Variants in FMNL1 observed in about 807,000 individuals in gnomAD.
The protein encoded by FMNL1 is formin like 1.
Under a neutral mutation model 121.3 loss-of-function variants are expected in FMNL1, and 43 were observed. The observed-to-expected ratio is 0.35, with a 90% CI of 0.28 to 0.46. FMNL1 has a LOEUF of 0.46. Ranked by LOEUF, FMNL1 falls within the 20% of genes least tolerant of loss-of-function variation. FMNL1 has a pLI of 1.00. For synonymous variants in FMNL1, 613 were observed against 613.5 expected, an observed-to-expected ratio of 1.00 and a Z score of 0.01; for missense variants, 1,191 against 1,482.4, an observed-to-expected ratio of 0.80 and a Z score of 3.23.
At position 45,245,948 on chromosome 17, in the gene FMNL1, G is replaced by A. The variant is rs1465219444; in HGVS notation, c.3065G>A (p.Gly1022Asp). Residue 1022 changes from glycine to aspartate, a missense_variant, in exon 24 of 27, where the codon GGC becomes GAC. Physicochemically the swap from Gly to Asp is moderately conservative, Grantham distance 94. Coordinates refer to ENST00000331495, the MANE Select transcript of FMNL1 (RefSeq NM_005892.4). ...CAGGAGGCAGGCGCTGATACCCCGGGCAAAGGGGAGCCCCCAGCACCCAAG... is the reference window on the plus strand; with the variant it reads ...CAGGAGGCAGGCGCTGATACCCCGGACAAAGGGGAGCCCCCAGCACCCAAG... ...AAQEAGADTP[G>D]KGEPPAPKSP... The A allele has an allele frequency of 6.3e-7, 1 of 1,578,922 alleles. No individual in the cohort carries two copies. The highest frequency in any genetic ancestry group is 8.6e-7 in the Non-Finnish European group (1 of 1,167,210).
At chr17:45,225,698 G>A (rs1173039259) in intron 1 of FMNL1, among the ~76,000 whole-genome samples, 1 of 152,170 alleles carries the variant, frequency 6.6e-6, no homozygotes. Context: ...GGCCTTTGAG[G>A]GGACAGGGGT....
chr17:45,236,986 C>CAGGT lies in FMNL1; in HGVS notation c.724-294_724-291dup, dbSNP rs765671522. Among the ~76,000 whole-genome samples the CAGGT allele has an allele frequency of 1.0e-3, 155 of 152,214 alleles. 2 individuals carry two copies. The Middle Eastern group carries it at 0.024, about 23-fold the overall frequency. ...AAAAAAAATCAGTTGAGTGTGGTGG[C>CAGGT]AGGTGCCTGTAATCCCAGCTACATG... On this transcript the variant is annotated intron_variant, in intron 7 of 26. Transcript: ENST00000331495.
At position 45,243,798 on chromosome 17, in the gene FMNL1, C is replaced by G; in HGVS notation, c.2221C>G (p.Leu741Val). The change falls in exon 18 of 27, where the codon CTG becomes GTG. Residue 741 changes from leucine to valine, a missense_variant. Physicochemically the swap from Leu to Val is conservative, Grantham distance 32 (BLOSUM62 1). Around this residue, in one of 4 missense-constraint regions of FMNL1, gnomAD observed 367 missense variants for 528.6 expected, o/e 0.69. Coordinates refer to ENST00000331495, the MANE Select transcript of FMNL1 (RefSeq NM_005892.4). The part of the protein sequence containing the change: ...RICQAIEAYD[L>V]QALGLDFLEL... ...CTCTCCTCCCTCTCACAGGTACGACCTGCAGGCTCTGGGCCTGGACTTCCT... is the reference window on the plus strand; with the variant it reads ...CTCTCCTCCCTCTCACAGGTACGACGTGCAGGCTCTGGGCCTGGACTTCCT... 2.5e-6 allele frequency: 4 copies of G among 1,610,300 alleles called. No homozygotes were observed. The highest frequency in any genetic ancestry group is 1.1e-5 in the South Asian group (1 of 90,998).
chr17:45,241,872 T>A lies in FMNL1; in HGVS notation c.1611T>A (p.Ala537=), dbSNP rs1473252889. ...SPDLAPAAEP[A]PGAAPPPPPP... ...ATCTCGCACCTGCAGCAGAGCCGGC[T>A]CCCGGAGCAGCGCCACCGCCGCCGC... The change falls in exon 15 of 27, where the codon GCT becomes GCA. Residue 537 remains alanine (A), a synonymous_variant. Transcript: ENST00000331495. This position sits in a 1 kb window ranked among gnomAD's most constrained non-coding sequence, Gnocchi z 7.0. The A allele has an allele frequency of 2.5e-5, 36 of 1,434,422 alleles. No individual in the cohort carries two copies. The highest frequency in any genetic ancestry group is 3.3e-5 in the Non-Finnish European group (36 of 1,102,688). 88.9% of individuals were successfully genotyped at this position (1,434,422 alleles called of 1,614,324 possible). A position where few individuals can be genotyped will look rare whatever the true frequency, so the allele number is the denominator to read the frequency against.
intron 2 of FMNL1, 85 bp from the exon 3 acceptor site, chr17:45,232,282 A>C (rs2043455174): frequency 1.6e-6 from 2 of 1,237,130 alleles, no homozygotes; most frequent in Admixed American, 2.0e-5. Context: ...ATCGGAGCTG[A>C]GAATGGGACA....
intron 5 of FMNL1, 55 bp from the exon 6 acceptor site, chr17:45,234,017 C>A: frequency 1.9e-6 from 3 of 1,598,536 alleles, no homozygotes; most frequent in East Asian, 2.2e-5. Context: ...CCTCTGCCCC[C>A]TCTTAAGTGG....
chr17:45,236,364 T>C (rs2043550226), intron 7 of FMNL1, 120 bp downstream of exon 7: 1 of 796,490 alleles, frequency 1.3e-6, no homozygotes, highest in Non-Finnish European at 2.0e-6. Context: ...GCTGGGGAAC[T>C]TGCGCATCTG....
Position 45,241,290 on chromosome 17 carries a change from G to C in FMNL1, c.1332+60G>C. 1 of 1,610,850 alleles carries C rather than the reference G, an allele frequency of 6.2e-7. No homozygotes were observed. Among genetic ancestry groups the C allele is most frequent in the Non-Finnish European group, 8.5e-7 (1 of 1,178,476 alleles). On this transcript the variant is annotated intron_variant, in intron 13 of 26. Coordinates refer to ENST00000331495, the MANE Select transcript of FMNL1 (RefSeq NM_005892.4). The surrounding 1 kb of genome is among the most constrained non-coding windows in gnomAD (Gnocchi z 7.0). ...AGAACAGGCCAGCTGAGGCTTCTAG[G>C]CTTGACATCTCCCTCCACCCCGGGA...
At position 45,243,954 on chromosome 17, in the gene FMNL1, C is replaced by T. The variant is rs1049942929; in HGVS notation, c.2377C>T (p.Arg793Cys). The change falls in exon 18 of 27, where the codon CGC (arginine) becomes TGC (cysteine). Residue 793 changes from arginine to cysteine, a missense_variant. Physicochemically the swap from Arg to Cys is radical, Grantham distance 180 (BLOSUM62 -3). This residue lies in a region of FMNL1 where 367 missense variants were observed against 528.6 expected (regional missense o/e 0.69). Transcript: ENST00000331495. ...RFMLCFSRIP[R>C]LPERMTTLTF... is the part of the protein sequence containing the mutation. ...CATGCTATGCTTCAGCCGCATCCCG[C>T]GCCTGCCGGAGCGCATGACCACACT... is the stretch of plus-strand genomic sequence containing the variant. 12 of 1,613,418 alleles carry T rather than the reference C, an allele frequency of 7.4e-6. No individual in the cohort carries two copies. Among genetic ancestry groups the T allele is most frequent in the Middle Eastern group, 1.6e-4 (1 of 6,082 alleles).
At chr17:45,240,145 A>G (rs997724429) in intron 11 of FMNL1, among the ~76,000 whole-genome samples, 1 of 152,158 alleles carries the variant, frequency 6.6e-6, no homozygotes, top group Non-Finnish European at 1.5e-5. Context: ...TAAAGATGGA[A>G]AGTAGATTAG....
chr17:45,243,741 G>T, intron 17 of FMNL1, 50 bp from the exon 18 acceptor site: 1 of 1,554,100 alleles, frequency 6.4e-7, no homozygotes. Flanking sequence ...TGCTCCCAGG[G>T]ACTGGTGGGT....
At chr17:45,243,712 A>G (rs2043760759) in intron 17 of FMNL1, 79 bp from the exon 18 acceptor site, 7 of 1,338,624 alleles carry the variant, frequency 5.2e-6, no homozygotes, top group South Asian at 1.3e-5. Context: ...CATTTATTCA[A>G]TCAAGGCAGG....
Position 45,243,154 on chromosome 17 carries a change from A to T in FMNL1, c.2047A>T (p.Thr683Ser). Residue 683 changes from threonine (T) to serine (S), a missense_variant, in exon 17 of 27, where the codon ACC becomes TCC. By Grantham distance (58) the Thr-to-Ser change is moderately conservative. Around this residue, in one of 4 missense-constraint regions of FMNL1, gnomAD observed 519 missense variants for 492.8 expected, o/e 1.05. Coordinates refer to ENST00000331495, the MANE Select transcript of FMNL1 (RefSeq NM_005892.4). ...DMSDFEEQFK[T>S]KSQGPSLDLS... is the part of the protein sequence containing the mutation. ...GAGTGATTTTGAGGAACAGTTCAAG[A>T]CCAAGTCCCAAGGCCCCAGCCTGGA... 6.2e-7 allele frequency: 1 copy of T among 1,614,198 alleles called. No homozygotes were observed. The highest frequency in any genetic ancestry group is 8.5e-7 in the Non-Finnish European group (1 of 1,180,038).
At chr17:45,227,379 G>A (rs1392069635) in intron 1 of FMNL1, among the ~76,000 whole-genome samples, 2 of 152,214 alleles carry the variant, frequency 1.3e-5, no homozygotes, top group African/African-American at 4.8e-5. Flanking sequence ...TCTTTTGGGG[G>A]CTGGTCTTAG....
Position 45,241,863 on chromosome 17 carries a change from A to G in FMNL1, c.1602A>G (p.Ala534=). Residue 534 remains alanine, a synonymous_variant, in exon 15 of 27, where the codon GCA becomes GCG. Coordinates refer to ENST00000331495, the MANE Select transcript of FMNL1 (RefSeq NM_005892.4). The surrounding 1 kb of genome is among the most constrained non-coding windows in gnomAD (Gnocchi z 7.0). Reference sequence around the variant, plus strand: ...CTGGCTCAGATCTCGCACCTGCAGCAGAGCCGGCTCCCGGAGCAGCGCCAC... The same window carrying G: ...CTGGCTCAGATCTCGCACCTGCAGCGGAGCCGGCTCCCGGAGCAGCGCCAC... ...GSPSPDLAPA[A]EPAPGAAPPP... 1 of 1,433,986 alleles carries G rather than the reference A, an allele frequency of 7.0e-7. No homozygotes were observed. The allele number at this position is 1,433,986 out of a possible 1,614,324, so 88.8% of individuals were successfully genotyped here.
intron 6 of FMNL1, among the ~76,000 whole-genome samples, chr17:45,235,402 G>T (rs572353387): frequency 1.3e-5 from 2 of 152,208 alleles, no homozygotes; most frequent in Non-Finnish European, 2.9e-5. Flanking sequence ...GAGCATTCCA[G>T]GCAGAAGGAA....
chr17:45,240,452 C>T (rs748457633), intron 11 of FMNL1, 24 bp from the exon 12 acceptor site: 1 of 1,597,456 alleles, frequency 6.3e-7, no homozygotes, highest in East Asian at 2.2e-5. Flanking sequence ...AGGCCTCACC[C>T]CACTCCTTCC....
Position 45,241,393 on chromosome 17 carries a change from C to T in FMNL1, c.1344C>T (p.Ser448=), listed in dbSNP as rs755226378. 25 of 1,567,272 alleles carry T rather than the reference C, an allele frequency of 1.6e-5. No individual in the cohort carries two copies. In the South Asian group the frequency reaches 2.0e-4, roughly 12 times the overall value. The change falls in exon 14 of 27, where the codon AGC becomes AGT. Residue 448 remains serine (S), a synonymous_variant. Transcript: ENST00000331495. The surrounding 1 kb of genome is among the most constrained non-coding windows in gnomAD (Gnocchi z 7.0). The part of the protein sequence containing the change: ...KELETLRERF[S]ESTAMGPSRR... ...CGTGGGGTTCGTAGGAGCGCTTCAGCGAATCGACCGCCATGGGGCCCTCCA... is the reference window on the plus strand; with the variant it reads ...CGTGGGGTTCGTAGGAGCGCTTCAGTGAATCGACCGCCATGGGGCCCTCCA...
chr17:45,233,870 A>G lies in FMNL1; in HGVS notation c.485+139A>G. On this transcript the variant is annotated intron_variant, in intron 5 of 26. Transcript: ENST00000331495. This position sits in a 1 kb window ranked among gnomAD's most constrained non-coding sequence, Gnocchi z 4.1. ...GGAACCCTCCACTTGGCCTTGAGCG[A>G]TGCTCCTTCCAGAAGGCCTGCCCCC... is the stretch of plus-strand genomic sequence containing the variant. The G allele has an allele frequency of 7.4e-7, 1 of 1,354,094 alleles. No individual in the cohort carries two copies. Among genetic ancestry groups the G allele is most frequent in the Non-Finnish European group, 1.0e-6 (1 of 998,824 alleles). The allele number at this position is 1,354,094 out of a possible 1,614,324, so 83.9% of individuals were successfully genotyped here. A position where few individuals can be genotyped will look rare whatever the true frequency, so the allele number is the denominator to read the frequency against.
Sources: allele counts gnomAD v4.1 joint callset (sites outside exome capture counted in the v4.1 genomes callset), GRCh38; gene constraint gnomAD v4.1.1; regional missense constraint gnomAD v4.1.1; non-coding constraint Gnocchi (gnomAD v3.1); transcripts MANE v1.5; gene names NCBI Gene and HGNC (gene_info 2026-07-23, HGNC 2026-07-21).